The following INO80D variants were observed in gnomAD, a reference collection of about 807,000 sequenced individuals.
INO80D encodes the protein INO80 complex subunit D.
INO80D carries 21 observed loss-of-function variants against 87.6 expected under a neutral mutation model. That is an observed-to-expected ratio of 0.24 (90% CI 0.17 to 0.35). The LOEUF (loss-of-function observed/expected upper bound fraction) is 0.35, where lower values mean the gene tolerates loss of function less well. Among genes scored for constraint, INO80D ranks in the 10% least tolerant of loss-of-function variants. The pLI is 1.00. For synonymous variants in INO80D, 440 were observed against 491.0 expected (o/e 0.90, Z 1.37); for missense variants, 982 against 1,280.7 (o/e 0.77, Z 3.56).
intron 1 of INO80D, among the ~76,000 whole-genome samples, chr2:206,072,089 C>T (rs1032171221): frequency 2.0e-5 from 3 of 152,068 alleles, no homozygotes; most frequent in Non-Finnish European, 4.4e-5. Flanking sequence ...TCCAACTTTG[C>T]CATCCATGCA....
In INO80D at chr2:206,017,858, T is replaced by A. The variant is rs779852963; in HGVS notation, c.1409-45A>T. On this transcript the variant is annotated intron_variant, in intron 7 of 10. Transcript: ENST00000403263. ...GAGTAAAATACACTGAAACTCTAAT[T>A]TTTCAATTTCTATATAAAATTTGCT... 3 of 1,551,300 alleles carry A rather than the reference T, an allele frequency of 1.9e-6. No individual in the cohort carries two copies. The African/African-American group carries it at 4.2e-5, about 21-fold the overall frequency.
intron 1 of INO80D, among the ~76,000 whole-genome samples, chr2:206,077,582 G>T (rs558849687): frequency 6.6e-6 from 1 of 152,230 alleles, no homozygotes; most frequent in South Asian, 2.1e-4. Flanking sequence ...ACTGATCTGG[G>T]TACAGTATTT....
intron 5 of INO80D, 149 bp downstream of exon 5, chr2:206,046,355 G>C: frequency 1.7e-6 from 1 of 590,170 alleles, no homozygotes; most frequent in South Asian, 2.0e-5. Flanking sequence ...TGGCCAACAT[G>C]GTGAAACCCC....
In INO80D at chr2:206,007,321, C is replaced by T; in HGVS notation, c.1881G>A (p.Arg627=). The change falls in exon 10 of 11, where the codon CGG becomes CGA. Residue 627 remains arginine (R), a synonymous_variant. Coordinates refer to ENST00000403263, the MANE Select transcript of INO80D (RefSeq NM_017759.5). The part of the protein sequence containing the change: ...NQEDFSDVLP[R]LPDDLQDFDF... ...CAAAATCTTGTAAGTCATCAGGTAG[C>T]CGTGGCAGGACATCTGAAAAGTCCT... is the stretch of plus-strand genomic sequence containing the variant. 2 of 1,613,518 alleles carry T rather than the reference C, an allele frequency of 1.2e-6. No homozygotes were observed. The highest frequency in any genetic ancestry group is 8.5e-7 in the Non-Finnish European group (1 of 1,179,764).
chr2:206,026,736 A>G (rs545018528), intron 6 of INO80D, among the ~76,000 whole-genome samples: 2 of 151,172 alleles, frequency 1.3e-5, no homozygotes, highest in African/African-American at 4.8e-5. Flanking sequence ...TTTTTTAAAA[A>G]TTTTATAGGT....
chr2:206,067,746 G>A (rs749933173), intron 1 of INO80D, among the ~76,000 whole-genome samples: 9 of 151,996 alleles, frequency 5.9e-5, no homozygotes, highest in East Asian at 3.9e-4. Context: ...AAACACACAC[G>A]TATCTTTCAC....
chr2:206,066,173 G>T (rs1053971215), intron 1 of INO80D, among the ~76,000 whole-genome samples: 1 of 151,994 alleles, frequency 6.6e-6, no homozygotes, highest in Admixed American at 6.6e-5. Context: ...CAGGAGGATC[G>T]CCTGAACCCA....
At chr2:206,010,264 C>CT (rs773670082) in intron 8 of INO80D, among the ~76,000 whole-genome samples, 1,539 of 140,846 alleles carry the variant, frequency 0.011, 9 homozygotes, top group Non-Finnish European at 0.015. Context: ...GACCACAATT[C>CT]TTTTTTTTTT....
chr2:206,058,242 A>AC (rs1021814412), intron 3 of INO80D, among the ~76,000 whole-genome samples: 1 of 150,516 alleles, frequency 6.6e-6, no homozygotes, highest in Non-Finnish European at 1.5e-5. Context: ...ATCCGGTGAA[A>AC]CCCCGTCTCT....
At chr2:206,077,877 T>C (rs1434406013) in intron 1 of INO80D, among the ~76,000 whole-genome samples, 2 of 151,994 alleles carry the variant, frequency 1.3e-5, no homozygotes, top group Non-Finnish European at 2.9e-5. Context: ...CTCTCCTTTC[T>C]GACCAGTCAG....
In INO80D at chr2:206,056,275, C is replaced by T; in HGVS notation, c.887G>A (p.Cys296Tyr). The stretch of plus-strand genomic sequence containing the variant: ...CACCAGTCTCTGCAGTCGGCTTATA[C>T]ATGAGAAGTGTGGAGAGAAGGCTGT... ...KATAFSPHFS[C>Y]ISRLQRLVKL... Residue 296 changes from cysteine to tyrosine, a missense_variant, in exon 4 of 11, where the codon TGT (cysteine) becomes TAT (tyrosine). Cys to Tyr is a radical substitution (Grantham distance 194, BLOSUM62 -2). Transcript: ENST00000403263. 1.2e-6 allele frequency: 2 copies of T among 1,613,862 alleles called. No individual in the cohort carries two copies. The highest frequency in any genetic ancestry group is 2.2e-5 in the East Asian group (1 of 44,890).
intron 8 of INO80D, 89 bp downstream of exon 8, chr2:206,017,589 TTA>T: frequency 1.9e-6 from 2 of 1,060,824 alleles, no homozygotes; most frequent in Non-Finnish European, 2.6e-6. Context: ...TTTCAGTGAT[TTA>T]TATACATACA....
rs1690399616 is a variant in INO80D at position 206,085,024 on chromosome 2, C to T, written c.-124+877G>A. On this transcript the variant is annotated intron_variant, in intron 1 of 10. Transcript: ENST00000403263. This position sits in a 1 kb window ranked among gnomAD's most constrained non-coding sequence, Gnocchi z 4.5. ...CGCGGGGAGTTGGGTGGGGCGCGGG[C>T]GAGGGGTGCAGGGGCGGAGTACCTT... Among the ~76,000 whole-genome samples the T allele has an allele frequency of 1.3e-5, 2 of 151,838 alleles. No individual in the cohort carries two copies. Among genetic ancestry groups the T allele is most frequent in the Admixed American group, 1.3e-4 (2 of 15,256 alleles).
intron 1 of INO80D, among the ~76,000 whole-genome samples, chr2:206,071,002 G>C (rs1425423337): frequency 6.7e-6 from 1 of 150,248 alleles, no homozygotes; most frequent in Non-Finnish European, 1.5e-5. Flanking sequence ...TTGTTGCCCA[G>C]GCTGGAGTGC....
In INO80D at chr2:206,017,687, T is replaced by C. The variant is rs749477063; in HGVS notation, c.1535A>G (p.Lys512Arg). ...HQTPLCEEHA[K>R]KMDNFLRGDN... ...CTCTGTTGCAGAACTTACCATTTTT[T>C]TGGCATGTTCTTCACACAGAGGTGT... is the stretch of plus-strand genomic sequence containing the variant. The change falls in exon 8 of 11, where the codon AAA becomes AGA. Residue 512 changes from lysine to arginine, a missense_variant. Coordinates refer to ENST00000403263, the MANE Select transcript of INO80D (RefSeq NM_017759.5). 1.9e-6 allele frequency: 3 copies of C among 1,586,134 alleles called. No individual in the cohort carries two copies. Among genetic ancestry groups the C allele is most frequent in the African/African-American group, 1.4e-5 (1 of 74,066 alleles).
intron 4 of INO80D, among the ~76,000 whole-genome samples, 186 bp downstream of exon 4, chr2:206,056,012 T>A (rs906815212): frequency 1.3e-5 from 2 of 152,148 alleles, no homozygotes; most frequent in African/African-American, 4.8e-5. Flanking sequence ...CCACCACACA[T>A]GTAGAGGGAC....
At chr2:206,067,665 A>G (rs2105896750) in intron 1 of INO80D, among the ~76,000 whole-genome samples, 1 of 152,342 alleles carries the variant, frequency 6.6e-6, no homozygotes, top group African/African-American at 2.4e-5. Context: ...TGTTTGGGAC[A>G]GGAAATATTT....
At chr2:206,046,393 A>T in intron 5 of INO80D, 111 bp downstream of exon 5, 2 of 694,064 alleles carry the variant, frequency 2.9e-6, no homozygotes, top group Non-Finnish European at 4.9e-6. Flanking sequence ...AAAAAAAATT[A>T]GTCAGGCTTG....
At chr2:206,008,003 C>CA (rs1688071886) in intron 9 of INO80D, 1 of 152,006 alleles carries the variant, frequency 6.6e-6, no homozygotes. Flanking sequence ...TTTTTTTAGA[C>CA]AGAGTTTCAC....
Sources: allele counts gnomAD v4.1 joint callset (sites outside exome capture counted in the v4.1 genomes callset), GRCh38; gene constraint gnomAD v4.1.1; non-coding constraint Gnocchi (gnomAD v3.1); transcripts MANE v1.5; gene names NCBI Gene and HGNC (gene_info 2026-07-23, HGNC 2026-07-21).